The following APP variants were observed in gnomAD, a reference collection of about 807,000 sequenced individuals.
The protein encoded by APP is amyloid beta precursor protein.
APP carries 31 observed loss-of-function variants against 101.4 expected under a neutral mutation model. That is an observed-to-expected ratio of 0.31 (90% confidence interval 0.23 to 0.41). The LOEUF (loss-of-function observed/expected upper bound fraction) is 0.41, where lower values mean the gene tolerates loss of function less well. Ranked by LOEUF, APP falls within the 10% of genes least tolerant of loss-of-function variation. APP has a pLI of 1.00. For synonymous variants in APP, 366 were observed against 364.4 expected (o/e 1.00, Z -0.05); for missense variants, 839 against 1,003.7 (o/e 0.84, Z 2.22).
intron 1 of APP, among the ~76,000 whole-genome samples, chr21:26,137,846 T>C (rs908798952): frequency 1.4e-4 from 22 of 152,192 alleles, no homozygotes; most frequent in African/African-American, 5.3e-4. Context: ...GCAGGTCCTA[T>C]TTTTGTTCCT....
chr21:26,024,061 A>T (rs973711463), intron 5 of APP, among the ~76,000 whole-genome samples: 6 of 152,208 alleles, frequency 3.9e-5, no homozygotes, highest in African/African-American at 2.4e-5. Context: ...TCCTTGTGGA[A>T]ATCATGTACC....
At chr21:25,914,858 C>A (rs1184432378) in intron 13 of APP, among the ~76,000 whole-genome samples, 1 of 152,100 alleles carries the variant, frequency 6.6e-6, no homozygotes, top group Admixed American at 6.5e-5. Context: ...CGGCTTGATC[C>A]TGGGCTTCTC....
chr21:25,953,576 G>A (rs762565573), intron 13 of APP, among the ~76,000 whole-genome samples: 2 of 152,102 alleles, frequency 1.3e-5, no homozygotes, highest in African/African-American at 4.8e-5. Flanking sequence ...TATGGGGAAG[G>A]ATATGCCAGA....
rs1248857326 is a variant in APP, at chr21:26,051,202, T to C, written c.469-9A>G. 1 of 1,611,254 alleles carries C rather than the reference T, an allele frequency of 6.2e-7. No homozygotes were observed. The highest frequency in any genetic ancestry group is 2.2e-5 in the East Asian group (1 of 44,866). ...CTCTTCTCACTGCATGTCTACAAAG[T>C]GTAAGGAGAAAACAGTGAGTGGTAG... On this transcript the variant is annotated splice_polypyrimidine_tract_variant and intron_variant, in intron 4 of 17. Transcript: ENST00000346798.
intron 11 of APP, 48 bp downstream of exon 11, chr21:25,975,022 T>C (rs762014154): frequency 1.2e-6 from 2 of 1,612,204 alleles, no homozygotes; most frequent in Non-Finnish European, 1.7e-6. Context: ...CCACCCTTAC[T>C]GTCTGTGCTG....
At chr21:26,000,958 A>C (rs1457531932) in intron 6 of APP, among the ~76,000 whole-genome samples, 7 of 151,818 alleles carry the variant, frequency 4.6e-5, no homozygotes, top group Admixed American at 3.9e-4. Context: ...ATATATTAAA[A>C]ATCTGTATTA....
chr21:26,103,202 A>C (rs2062102536), intron 2 of APP, among the ~76,000 whole-genome samples: 1 of 152,240 alleles, frequency 6.6e-6, no homozygotes, highest in South Asian at 2.1e-4. Context: ...TTATGACTTT[A>C]CTATTGAATT....
At chr21:25,897,837 T>TC in intron 15 of APP, 164 bp from the exon 16 acceptor site, 4 of 640,152 alleles carry the variant, frequency 6.2e-6, no homozygotes, top group Non-Finnish European at 1.1e-5. Flanking sequence ...ATTTAAAACT[T>TC]CAATTACTAC....
At chr21:26,164,856 A>C (rs2063572819) in intron 1 of APP, among the ~76,000 whole-genome samples, 1 of 108,830 alleles carries the variant, frequency 9.2e-6, no homozygotes, top group African/African-American at 3.1e-5. Flanking sequence ...ATTCTGTCTC[A>C]AAAAAAAAAA....
At chr21:26,097,102 A>G (rs937204351) in intron 2 of APP, among the ~76,000 whole-genome samples, 7 of 152,146 alleles carry the variant, frequency 4.6e-5, no homozygotes, top group African/African-American at 1.7e-4. Context: ...CAATTGAACA[A>G]AAGCCAAGAA....
intron 3 of APP, among the ~76,000 whole-genome samples, chr21:26,066,032 C>T (rs1025409708): frequency 3.9e-5 from 6 of 152,176 alleles, no homozygotes; most frequent in South Asian, 2.1e-4. Flanking sequence ...AACAGACCTT[C>T]CCAGGGTGGC....
chr21:26,024,688 C>T (rs1390155541), intron 5 of APP, among the ~76,000 whole-genome samples: 1 of 152,168 alleles, frequency 6.6e-6, no homozygotes, highest in Admixed American at 6.5e-5. Context: ...GCATGTGTTA[C>T]ACAAGTTGTA....
intron 16 of APP, among the ~76,000 whole-genome samples, chr21:25,897,073 A>G (rs1038241629): frequency 6.6e-6 from 1 of 152,144 alleles, no homozygotes; most frequent in African/African-American, 2.4e-5. Flanking sequence ...GTCCCGAGTC[A>G]TGCACGAACT....
chr21:26,131,160 C>T (rs1269553382), intron 1 of APP, among the ~76,000 whole-genome samples: 2 of 151,880 alleles, frequency 1.3e-5, no homozygotes, highest in African/African-American at 4.8e-5. Flanking sequence ...ACCCAGGAGG[C>T]GGAGGTTGCG....
chr21:26,080,336 T>C (rs953860981), intron 3 of APP, among the ~76,000 whole-genome samples: 8 of 152,322 alleles, frequency 5.3e-5, no homozygotes, highest in African/African-American at 1.9e-4. Flanking sequence ...GAATTTCCTA[T>C]AGAAATGGCT....
chr21:26,047,476 A>G (rs1275680605), intron 5 of APP, among the ~76,000 whole-genome samples: 1 of 152,206 alleles, frequency 6.6e-6, no homozygotes, highest in Non-Finnish European at 1.5e-5. Flanking sequence ...TTGTGTGTGG[A>G]TCAGTGATGC....
intron 3 of APP, among the ~76,000 whole-genome samples, chr21:26,063,903 G>A (rs1263221202): frequency 6.6e-6 from 1 of 152,180 alleles, no homozygotes; most frequent in Non-Finnish European, 1.5e-5. Flanking sequence ...CCTGAGCCAG[G>A]TGATCAAGGT....
chr21:26,076,040 C>T (rs2061492514), intron 3 of APP, among the ~76,000 whole-genome samples: 1 of 152,170 alleles, frequency 6.6e-6, no homozygotes, highest in Middle Eastern at 3.4e-3. Context: ...ATTACAGGCG[C>T]CCATCACCAT....
At chr21:25,896,435 CA>C (rs1263469056) in intron 16 of APP, among the ~76,000 whole-genome samples, 1 of 148,604 alleles carries the variant, frequency 6.7e-6, no homozygotes, top group African/African-American at 2.5e-5. Flanking sequence ...CACACACACA[CA>C]AAACAAAACA....
Sources: gnomAD v4.1 joint callset for allele counts (sites outside exome capture counted in the v4.1 genomes callset) on GRCh38, gnomAD v4.1.1 for gene constraint, MANE v1.5 for transcripts, NCBI Gene and HGNC (gene_info 2026-07-23, HGNC 2026-07-21) for gene names.